Variants in PIEZO2 observed in about 807,000 individuals in gnomAD.
The protein encoded by PIEZO2 is piezo type mechanosensitive ion channel component 2.
In PIEZO2, 172 loss-of-function variants were observed where a neutral mutation model predicts 337.3. The observed-to-expected ratio is 0.51, with a 90% CI of 0.45 to 0.58. PIEZO2 has a LOEUF of 0.58. PIEZO2 is among the 20% of genes least tolerant of loss of function. The probability of loss-of-function intolerance (pLI) is 0.00; values close to 1 mark genes in which losing one functional copy is unlikely to be tolerated. For missense variants in PIEZO2, 3,028 were observed against 3,391.3 expected, an observed-to-expected ratio of 0.89 and a Z score of 2.66; for synonymous variants, 1,251 against 1,228.5, an observed-to-expected ratio of 1.02 and a Z score of -0.38.
At chr18:11,067,382 C>T (rs2038187480) in intron 1 of PIEZO2, among the ~76,000 whole-genome samples, 1 of 151,920 alleles carries the variant, frequency 6.6e-6, no homozygotes, top group Non-Finnish European at 1.5e-5. Flanking sequence ...ACCATACTTT[C>T]TTTAAGAAAA....
rs1187115921 is a variant in PIEZO2 at position 11,078,168 on chromosome 18, C to CCACACACACATACA, written c.65-11960_65-11947dup. Among the ~76,000 whole-genome samples, 8 of 151,176 alleles carry CCACACACACATACA rather than the reference C, an allele frequency of 5.3e-5. No individual in the cohort carries two copies. Among genetic ancestry groups the CCACACACACATACA allele is most frequent in the Middle Eastern group, 6.8e-3 (2 of 294 alleles). Reference sequence around the variant, plus strand: ...CTCACCACACACACACATACACACACCACACACACATACACACACACACTT... The same window carrying CCACACACACATACA: ...CTCACCACACACACACATACACACACCACACACACATACACACACACACATACACACACACACTT... On this transcript the variant is annotated intron_variant, in intron 1 of 55. Coordinates refer to ENST00000674853, the MANE Select transcript of PIEZO2 (RefSeq NM_001378183.1). This position sits in a 1 kb window ranked among gnomAD's most constrained non-coding sequence, Gnocchi z 5.3.
chr18:10,790,987 A>C (rs1265101818), intron 14 of PIEZO2, among the ~76,000 whole-genome samples: 4 of 152,158 alleles, frequency 2.6e-5, no homozygotes, highest in Non-Finnish European at 5.9e-5. Flanking sequence ...TACAGGCGCG[A>C]GCCACGGCGC....
chr18:11,136,052 C>A (rs910492457), intron 1 of PIEZO2, among the ~76,000 whole-genome samples: 4 of 152,144 alleles, frequency 2.6e-5, no homozygotes, highest in African/African-American at 9.7e-5. Flanking sequence ...AATTTTGATA[C>A]CCAATTTAAG....
chr18:10,877,230 A>G lies in PIEZO2; in HGVS notation c.330-5815T>C, dbSNP rs2144823519. ...CCCCAAGGCCCTAATCAGCATCCACATGGTGACTTATCCATTCATTTCAAT... is the reference window on the plus strand; with the variant it reads ...CCCCAAGGCCCTAATCAGCATCCACGTGGTGACTTATCCATTCATTTCAAT... On this transcript the variant is annotated intron_variant, in intron 4 of 55. Coordinates refer to ENST00000674853, the MANE Select transcript of PIEZO2 (RefSeq NM_001378183.1). This position sits in a 1 kb window ranked among gnomAD's most constrained non-coding sequence, Gnocchi z 5.3. Among the ~76,000 whole-genome samples the G allele has an allele frequency of 6.6e-6, 1 of 152,214 alleles. No homozygotes were observed. Among genetic ancestry groups the G allele is most frequent in the East Asian group, 1.9e-4 (1 of 5,192 alleles).
intron 2 of PIEZO2, among the ~76,000 whole-genome samples, chr18:11,015,127 T>G (rs888180522): frequency 7.4e-6 from 1 of 134,290 alleles, no homozygotes; most frequent in African/African-American, 3.1e-5. Context: ...GCGGGGAACA[T>G]GTCACCCTGG....
At chr18:10,814,112 C>T (rs561206319) in intron 7 of PIEZO2, among the ~76,000 whole-genome samples, 3 of 151,834 alleles carry the variant, frequency 2.0e-5, no homozygotes, top group South Asian at 2.1e-4. Context: ...GGACTACAGG[C>T]GCCCACCACC....
chr18:10,927,161 T>G (rs2031793284), intron 3 of PIEZO2, among the ~76,000 whole-genome samples: 1 of 152,226 alleles, frequency 6.6e-6, no homozygotes, highest in South Asian at 2.1e-4. Context: ...TGGCAGCCAC[T>G]TTTCCATGTT....
intron 1 of PIEZO2, among the ~76,000 whole-genome samples, chr18:11,139,512 T>C (rs749539131): frequency 3.3e-5 from 5 of 152,176 alleles, no homozygotes; most frequent in Non-Finnish European, 7.4e-5. Context: ...ATCTAGATCA[T>C]ACCTGTACCC....
intron 36 of PIEZO2, among the ~76,000 whole-genome samples, chr18:10,723,797 T>C (rs1469121392): frequency 6.6e-6 from 1 of 152,074 alleles, no homozygotes; most frequent in African/African-American, 2.4e-5. Context: ...AAGGCAGAGA[T>C]TGGCTTGGAT....
chr18:11,060,054 T>G (rs1206587832), intron 2 of PIEZO2, among the ~76,000 whole-genome samples: 5 of 152,242 alleles, frequency 3.3e-5, no homozygotes, highest in Non-Finnish European at 5.9e-5. Flanking sequence ...TATAAGAAAC[T>G]GTCTCTCAGA....
intron 28 of PIEZO2, among the ~76,000 whole-genome samples, chr18:10,752,008 G>T (rs148031626): frequency 1.5e-3 from 231 of 152,230 alleles, no homozygotes; most frequent in Non-Finnish European, 2.5e-3. Flanking sequence ...TTGTGGGGGG[G>T]GAGGGTCCCT....
rs1341641780 is a variant in PIEZO2 at position 11,077,664 on chromosome 18, CTCTT to C, written c.65-11446_65-11443del. Among the ~76,000 whole-genome samples, 3 of 152,306 alleles carry C rather than the reference CTCTT, an allele frequency of 2.0e-5. No individual in the cohort carries two copies. In the East Asian group the frequency reaches 5.8e-4, roughly 29 times the overall value. The stretch of plus-strand genomic sequence containing the variant: ...CACTCCAGCCTGTTTCAGAAGTTCT[CTCTT>C]TATAGATTCATAGAGATTTCAAGTT... On this transcript the variant is annotated intron_variant, in intron 1 of 55. Coordinates refer to ENST00000674853, the MANE Select transcript of PIEZO2 (RefSeq NM_001378183.1). The surrounding 1 kb of genome is among the most constrained non-coding windows in gnomAD (Gnocchi z 4.8).
chr18:11,012,511 C>G (rs2035940514), intron 2 of PIEZO2, among the ~76,000 whole-genome samples: 1 of 152,202 alleles, frequency 6.6e-6, no homozygotes, highest in African/African-American at 2.4e-5. Context: ...GTAAACACCT[C>G]TTTGGACAAT....
rs1010117433 is a variant in PIEZO2, at chr18:11,016,634, A to G, written c.161-36974T>C. Among the ~76,000 whole-genome samples the G allele has an allele frequency of 3.3e-5, 5 of 152,244 alleles. No homozygotes were observed. Among genetic ancestry groups the G allele is most frequent in the African/African-American group, 1.2e-4 (5 of 41,464 alleles). ...AACAAATGCTGGGATTCTGAATACAATCCTAGAAAAGGCAAAACCAAAAAT... is the reference window on the plus strand; with the variant it reads ...AACAAATGCTGGGATTCTGAATACAGTCCTAGAAAAGGCAAAACCAAAAAT... On this transcript the variant is annotated intron_variant, in intron 2 of 55. Transcript: ENST00000674853. This position sits in a 1 kb window ranked among gnomAD's most constrained non-coding sequence, Gnocchi z 5.6.
chr18:10,773,772 C>T lies in PIEZO2; in HGVS notation c.2568-143G>A. ...AAGGTGGGGTGTTAGCGTTTTGTCACTTTCTTTTTGGTTGGTTTGTTTGTT... is the reference window on the plus strand; with the variant it reads ...AAGGTGGGGTGTTAGCGTTTTGTCATTTTCTTTTTGGTTGGTTTGTTTGTT... On this transcript the variant is annotated intron_variant, in intron 19 of 55. Coordinates refer to ENST00000674853, the MANE Select transcript of PIEZO2 (RefSeq NM_001378183.1). This position sits in a 1 kb window ranked among gnomAD's most constrained non-coding sequence, Gnocchi z 5.3. 1.2e-6 allele frequency: 1 copy of T among 801,340 alleles called. No homozygotes were observed. The highest frequency in any genetic ancestry group is 1.9e-6 in the Non-Finnish European group (1 of 516,760). 49.6% of individuals were successfully genotyped at this position (801,340 alleles called of 1,614,324 possible).
At chr18:10,826,804 A>T (rs1475168501) in intron 7 of PIEZO2, among the ~76,000 whole-genome samples, 1 of 152,228 alleles carries the variant, frequency 6.6e-6, no homozygotes, top group African/African-American at 2.4e-5. Flanking sequence ...CCACTACGGT[A>T]CCATACAGAA....
chr18:11,099,275 T>C lies in PIEZO2; in HGVS notation c.65-33053A>G, dbSNP rs2039344888. ...GTTAACATATTAATGGATCATAAAGTATGCATATTTTAAATTTTGATAGAC... is the reference window on the plus strand; with the variant it reads ...GTTAACATATTAATGGATCATAAAGCATGCATATTTTAAATTTTGATAGAC... On this transcript the variant is annotated intron_variant, in intron 1 of 55. Transcript: ENST00000674853. The surrounding 1 kb of genome is among the most constrained non-coding windows in gnomAD (Gnocchi z 5.4). Among the ~76,000 whole-genome samples the C allele has an allele frequency of 6.6e-6, 1 of 152,210 alleles. No individual in the cohort carries two copies. The highest frequency in any genetic ancestry group is 1.5e-5 in the Non-Finnish European group (1 of 68,040).
chr18:10,842,829 C>T (rs1234957065), intron 7 of PIEZO2, among the ~76,000 whole-genome samples: 3 of 152,240 alleles, frequency 2.0e-5, no homozygotes, highest in Non-Finnish European at 4.4e-5. Context: ...CTCAATAAAG[C>T]TGTTAAGAAA....
In PIEZO2 at chr18:11,104,244, C is replaced by A. The variant is rs1598965290; in HGVS notation, c.65-38022G>T. Among the ~76,000 whole-genome samples the A allele has an allele frequency of 1.3e-5, 2 of 152,310 alleles. No individual in the cohort carries two copies. Among genetic ancestry groups the A allele is most frequent in the East Asian group, 3.9e-4 (2 of 5,180 alleles). ...GAGCCCAGAATTTGGAGGCTTTTCA[C>A]ATACTCTGAGAATGTAAAAGGTGGC... On this transcript the variant is annotated intron_variant, in intron 1 of 55. Coordinates refer to ENST00000674853, the MANE Select transcript of PIEZO2 (RefSeq NM_001378183.1). The surrounding 1 kb of genome is among the most constrained non-coding windows in gnomAD (Gnocchi z 4.6).
Sources: gnomAD v4.1 joint callset for allele counts (sites outside exome capture counted in the v4.1 genomes callset) on GRCh38, gnomAD v4.1.1 for gene constraint, Gnocchi (gnomAD v3.1) non-coding constraint, MANE v1.5 for transcripts, NCBI Gene and HGNC (gene_info 2026-07-23, HGNC 2026-07-21) for gene names.